Variants in LENG8 observed in about 807,000 individuals in gnomAD.
LENG8 encodes leukocyte receptor cluster member 8, also known as leukocyte receptor cluster (LRC) member 8.
Under a neutral mutation model 102.1 loss-of-function variants are expected in LENG8, and 28 were observed. The observed-to-expected ratio is 0.27, with a 90% CI of 0.20 to 0.38. The LOEUF is 0.38. Among genes scored for constraint, LENG8 ranks in the 10% least tolerant of loss-of-function variants. The probability of loss-of-function intolerance (pLI) is 1.00; values close to 1 mark genes in which losing one functional copy is unlikely to be tolerated. For missense variants in LENG8, 1,022 were observed against 1,113.9 expected, an observed-to-expected ratio of 0.92 and a Z score of 1.17; for synonymous variants, 531 against 456.7, an observed-to-expected ratio of 1.16 and a Z score of -2.07.
intron 11 of LENG8, among the ~76,000 whole-genome samples, 188 bp downstream of exon 11, chr19:54,457,109 G>T (rs527453349): frequency 6.6e-6 from 1 of 152,384 alleles, no homozygotes; most frequent in East Asian, 1.9e-4. Context: ...CTGGAGCCCC[G>T]CGTGGCGGGT....
chr19:54,452,352 C>T lies in LENG8; in HGVS notation c.213+85C>T, dbSNP rs566385039. The T allele has an allele frequency of 1.4e-5, 17 of 1,235,094 alleles. No individual in the cohort carries two copies. The East Asian group carries it at 1.4e-4, about 10-fold the overall frequency. 76.5% of individuals were successfully genotyped at this position (1,235,094 alleles called of 1,614,324 possible). A position where few individuals can be genotyped will look rare whatever the true frequency, so the allele number is the denominator to read the frequency against. ...CTGGCGTCCTGTTGTATCATTCAGA[C>T]GGGGTGCTCTGAGGGGAAACATGAA... On this transcript the variant is annotated intron_variant, in intron 3 of 15. Transcript: ENST00000326764.
intron 15 of LENG8, chr19:54,460,026 C>A: frequency 7.8e-7 from 1 of 1,278,234 alleles, no homozygotes; most frequent in Non-Finnish European, 1.0e-6. Context: ...CTGTCATTGA[C>A]CTCATTGTGT....
Position 54,458,402 on chromosome 19 carries a change from C to T in LENG8, c.2121C>T (p.Ala707=). The change falls in exon 15 of 16, where the codon GCC becomes GCT. Residue 707 remains alanine, a synonymous_variant. Coordinates refer to ENST00000326764, the MANE Select transcript of LENG8 (RefSeq NM_052925.4). ...AHALALRTAW[A]LGNYHRFFRL... ...CCTTGGCATTAAGGACAGCCTGGGC[C>T]CTGGGCAACTACCACCGCTTTTTCC... 2 of 1,614,236 alleles carry T rather than the reference C, an allele frequency of 1.2e-6. No individual in the cohort carries two copies. The highest frequency in any genetic ancestry group is 1.7e-6 in the Non-Finnish European group (2 of 1,180,042).
Position 54,461,004 on chromosome 19 carries a change from G to A in LENG8, c.*76G>A. The A allele has an allele frequency of 6.5e-7, 1 of 1,530,874 alleles. No homozygotes were observed. 94.8% of individuals were successfully genotyped at this position (1,530,874 alleles called of 1,614,324 possible). ...TTTGCGGATTCTGTTTTTGAGCCGT[G>A]GACTTGGGTTGTAAATTTATTTGTG... On this transcript the variant is annotated 3_prime_UTR_variant, in exon 16 of 16. Coordinates refer to ENST00000326764, the MANE Select transcript of LENG8 (RefSeq NM_052925.4).
At chr19:54,457,370 T>G (rs557952079) in intron 11 of LENG8, among the ~76,000 whole-genome samples, 2 of 152,360 alleles carry the variant, frequency 1.3e-5, no homozygotes, top group South Asian at 2.1e-4. Flanking sequence ...GGAGAGAGTC[T>G]GGCTCTGTCG....
chr19:54,458,044 G>A, intron 13 of LENG8, 42 bp downstream of exon 13: 1 of 1,612,406 alleles, frequency 6.2e-7, no homozygotes, highest in Non-Finnish European at 8.5e-7. Context: ...CTTTCCTGCT[G>A]CCGTTCTGCC....
At chr19:54,457,015 G>A (rs111353171) in intron 11 of LENG8, 94 bp downstream of exon 11, 21 of 1,351,544 alleles carry the variant, frequency 1.6e-5, no homozygotes, top group African/African-American at 1.5e-4. Context: ...GCCACACGGG[G>A]GCTCTGGTAT....
Position 54,451,373 on chromosome 19 carries a change from G to A in LENG8, c.29G>A (p.Ser10Asn). ...GCGGCCAACGTGGGTGATCAACGTA[G>A]CACAGATTGGTTAGTGAGGCGAGAG... MAANVGDQRSTDWSSQYSMV... is the reference protein window; with the variant it reads MAANVGDQRNTDWSSQYSMV... The change falls in exon 2 of 16, where the codon AGC (serine) becomes AAC (asparagine). Residue 10 changes from serine (S) to asparagine (N), a missense_variant. By Grantham distance (46) the Ser-to-Asn change is conservative. Coordinates refer to ENST00000326764, the MANE Select transcript of LENG8 (RefSeq NM_052925.4). 8 of 1,614,190 alleles carry A rather than the reference G, an allele frequency of 5.0e-6. No homozygotes were observed. The highest frequency in any genetic ancestry group is 6.8e-6 in the Non-Finnish European group (8 of 1,180,024).
At chr19:54,460,722 C>G in intron 15 of LENG8, 44 bp from the exon 16 acceptor site, 8 of 1,164,582 alleles carry the variant, frequency 6.9e-6, no homozygotes, top group Non-Finnish European at 9.1e-6. Context: ...CTCCCCTGCC[C>G]TCCCGCCCGC....
At chr19:54,453,319 A>G (rs2084047089) in intron 4 of LENG8, among the ~76,000 whole-genome samples, 1 of 152,164 alleles carries the variant, frequency 6.6e-6, no homozygotes. Flanking sequence ...AAGAGTTGGC[A>G]CTCAGTATCG....
Position 54,461,615 on chromosome 19 carries a change from C to T in LENG8, c.*687C>T. ...CCTCCTCCCTCTGCCCCCAGTGTTT[C>T]TTCTGATTTTTTTTTCCCCTTTCCC... On this transcript the variant is annotated 3_prime_UTR_variant, in exon 16 of 16. Transcript: ENST00000326764. The T allele has an allele frequency of 2.1e-6, 1 of 473,652 alleles. No homozygotes were observed. Among genetic ancestry groups the T allele is most frequent in the Non-Finnish European group, 4.4e-6 (1 of 228,700 alleles). 29.3% of individuals were successfully genotyped at this position (473,652 alleles called of 1,614,324 possible).
chr19:54,458,387 A>G lies in LENG8; in HGVS notation c.2106A>G (p.Leu702=), dbSNP rs903404056. The change falls in exon 15 of 16, where the codon TTA becomes TTG. Residue 702 remains leucine, a synonymous_variant. Transcript: ENST00000326764. ...CTTGCGTGGCCCACGCCTTGGCATT[A>G]AGGACAGCCTGGGCCCTGGGCAACT... The part of the protein sequence containing the change: ...ADPCVAHALA[L]RTAWALGNYH... The G allele has an allele frequency of 3.1e-6, 5 of 1,614,206 alleles. No homozygotes were observed. The highest frequency in any genetic ancestry group is 1.3e-5 in the African/African-American group (1 of 75,072).
Position 54,455,450 on chromosome 19 carries a change from C to T in LENG8, c.908C>T (p.Ala303Val), listed in dbSNP as rs1166028510. The change falls in exon 8 of 16, where the codon GCC (alanine) becomes GTC (valine). Residue 303 changes from alanine to valine, a missense_variant. Ala to Val is a moderately conservative substitution (Grantham distance 64). This residue lies in a region of LENG8 where 24 missense variants were observed against 47.9 expected (regional missense o/e 0.50). Transcript: ENST00000326764. ...GAGTATGTGGAGCGCTGCTTCACCG[C>T]CTGTGAGTCGGAGGAGGACAAGGAC... ...MKEYVERCFT[A>V]CESEEDKDRT... 5 of 1,614,174 alleles carry T rather than the reference C, an allele frequency of 3.1e-6. No individual in the cohort carries two copies. The South Asian group carries it at 4.4e-5, about 14-fold the overall frequency.
chr19:54,450,423 C>A (rs900076679), intron 1 of LENG8, among the ~76,000 whole-genome samples: 2 of 152,022 alleles, frequency 1.3e-5, no homozygotes, highest in Non-Finnish European at 2.9e-5. Context: ...TCCGGAAAAT[C>A]CCCTTTTCCT....
chr19:54,454,811 C>T, intron 6 of LENG8, 129 bp downstream of exon 6: 1 of 1,428,612 alleles, frequency 7.0e-7, no homozygotes. Context: ...GGTGGGGCTG[C>T]TCTGGACCAG....
chr19:54,453,346 G>A (rs930280992), intron 4 of LENG8, among the ~76,000 whole-genome samples, 200 bp from the exon 5 acceptor site: 6 of 152,166 alleles, frequency 3.9e-5, no homozygotes, highest in Non-Finnish European at 7.3e-5. Context: ...ATATTCTTCC[G>A]AGAACTAGCT....
In LENG8 at chr19:54,451,587, G is replaced by T. The variant is rs577214702; in HGVS notation, c.38+205G>T. 2.0e-5 allele frequency among the ~76,000 whole-genome samples: 3 copies of T among 152,300 alleles called. No individual in the cohort carries two copies. In the South Asian group the frequency reaches 6.2e-4, roughly 32 times the overall value. ...CAAGCTTTCACCTCTCTGAGCTTTC[G>T]TTTTTCACAGTACAGCGCTTGCTTT... On this transcript the variant is annotated intron_variant, in intron 2 of 15. Transcript: ENST00000326764.
Position 54,456,483 on chromosome 19 carries a change from C to A in LENG8, c.1445+18C>A. 6.3e-7 allele frequency: 1 copy of A among 1,593,120 alleles called. No homozygotes were observed. Among genetic ancestry groups the A allele is most frequent in the Non-Finnish European group, 8.5e-7 (1 of 1,172,798 alleles). On this transcript the variant is annotated intron_variant, in intron 10 of 15. Transcript: ENST00000326764. Reference sequence around the variant, plus strand: ...GGGAAGAGGTGAGACTGTGTGAGGGCTCGACACACGGGCCAGGGTGGAGGA... The same window carrying A: ...GGGAAGAGGTGAGACTGTGTGAGGGATCGACACACGGGCCAGGGTGGAGGA...
intron 15 of LENG8, chr19:54,460,145 G>A (rs1222899224): frequency 2.3e-6 from 3 of 1,289,886 alleles, no homozygotes; most frequent in African/African-American, 1.5e-5. Flanking sequence ...TGGAGCAGAA[G>A]CGGGTTCTAG....
Sources: allele counts gnomAD v4.1 joint callset (sites outside exome capture counted in the v4.1 genomes callset), GRCh38; gene constraint gnomAD v4.1.1; regional missense constraint gnomAD v4.1.1; transcripts MANE v1.5; gene names NCBI Gene and HGNC (gene_info 2026-07-23, HGNC 2026-07-21).